Variants in LRRC49 observed in about 807,000 individuals in gnomAD.
LRRC49 encodes the protein leucine-rich repeat-containing protein 49.
LRRC49 carries 50 observed loss-of-function variants against 83.3 expected under a neutral mutation model. That is an observed-to-expected ratio of 0.60 (90% confidence interval 0.48 to 0.76). The LOEUF (loss-of-function observed/expected upper bound fraction) is 0.76, where lower values mean the gene tolerates loss of function less well. Ranked by LOEUF, LRRC49 falls within the 30% of genes least tolerant of loss-of-function variation. LRRC49 has a pLI of 0.00. For missense variants in LRRC49, 704 were observed against 809.1 expected (o/e 0.87, Z 1.58); for synonymous variants, 286 against 283.3 (o/e 1.01, Z -0.10).
At chr15:71,009,534 A>C (rs552456987) in intron 12 of LRRC49, 1 of 263,460 alleles carries the variant, frequency 3.8e-6, no homozygotes, top group Non-Finnish European at 7.1e-6. Flanking sequence ...ATATTTATGT[A>C]TCTTTAAAGA....
intron 8 of LRRC49, among the ~76,000 whole-genome samples, chr15:70,946,385 C>A (rs1043944479): frequency 4.6e-5 from 7 of 152,036 alleles, no homozygotes; most frequent in Non-Finnish European, 8.8e-5. Flanking sequence ...GCATAATATC[C>A]TCCAGGTTTG....
intron 1 of LRRC49, among the ~76,000 whole-genome samples, chr15:70,865,027 TC>T (rs1716203416): frequency 6.6e-6 from 1 of 152,146 alleles, no homozygotes; most frequent in Non-Finnish European, 1.5e-5. Flanking sequence ...CTTCCTTTTT[TC>T]TCCTGCTTCC....
chr15:70,857,794 A>G (rs2032688637), intron 1 of LRRC49, among the ~76,000 whole-genome samples: 1 of 152,230 alleles, frequency 6.6e-6, no homozygotes, highest in Non-Finnish European at 1.5e-5. Flanking sequence ...AAGCTCACAC[A>G]TAAGCAGCAG....
intron 13 of LRRC49, among the ~76,000 whole-genome samples, chr15:71,011,762 T>A (rs1227380055): frequency 6.6e-6 from 1 of 152,184 alleles, no homozygotes; most frequent in Non-Finnish European, 1.5e-5. Flanking sequence ...TCTCCTTAAC[T>A]GTGAAGATCC....
chr15:70,992,810 A>C (rs2037935287), intron 11 of LRRC49, among the ~76,000 whole-genome samples: 1 of 152,098 alleles, frequency 6.6e-6, no homozygotes, highest in Non-Finnish European at 1.5e-5. Flanking sequence ...GGTGCCTCCC[A>C]GTTAGGCTAC....
rs1420455723 is a variant in LRRC49, at chr15:70,893,567, T to G, written c.49-17T>G. Reference sequence around the variant, plus strand: ...TGTATTAAGAGCAAATTTTATGGTTTAATTTTTACATTTCAGGTGAACTGC... The same window carrying G: ...TGTATTAAGAGCAAATTTTATGGTTGAATTTTTACATTTCAGGTGAACTGC... On this transcript the variant is annotated splice_polypyrimidine_tract_variant and intron_variant, in intron 1 of 15. Coordinates refer to ENST00000260382, the MANE Select transcript of LRRC49 (RefSeq NM_017691.5). The G allele has an allele frequency of 6.3e-7, 1 of 1,586,902 alleles. No individual in the cohort carries two copies. The highest frequency in any genetic ancestry group is 8.6e-7 in the Non-Finnish European group (1 of 1,160,026).
chr15:70,942,698 A>G (rs1258555058), intron 8 of LRRC49, among the ~76,000 whole-genome samples: 1 of 152,196 alleles, frequency 6.6e-6, no homozygotes, highest in Admixed American at 6.5e-5. Context: ...CATGTGCACA[A>G]GGTGGTCAGG....
chr15:70,925,948 T>C (rs1361991830), intron 7 of LRRC49, among the ~76,000 whole-genome samples: 2 of 152,186 alleles, frequency 1.3e-5, no homozygotes, highest in African/African-American at 4.8e-5. Context: ...CTCTTTCTAG[T>C]TAGTACCCTC....
intron 2 of LRRC49, among the ~76,000 whole-genome samples, chr15:70,886,176 T>C (rs542378821): frequency 6.6e-6 from 1 of 152,322 alleles, no homozygotes; most frequent in Non-Finnish European, 1.5e-5. Context: ...AGTAAAGCCA[T>C]GTTAGGTGGG....
At chr15:70,859,715 A>G in intron 1 of LRRC49, 1 of 686,258 alleles carries the variant, frequency 1.5e-6, no homozygotes, top group South Asian at 1.4e-5. Flanking sequence ...GGAGGCCACC[A>G]TCGCAGATGT....
intron 11 of LRRC49, among the ~76,000 whole-genome samples, chr15:71,002,127 T>A (rs1277632035): frequency 1.3e-5 from 2 of 152,250 alleles, no homozygotes; most frequent in East Asian, 3.8e-4. Context: ...ACAATTTAAC[T>A]ATTTCTGAAC....
chr15:71,005,784 A>G (rs189129247), intron 11 of LRRC49, among the ~76,000 whole-genome samples: 14 of 152,330 alleles, frequency 9.2e-5, no homozygotes, highest in Non-Finnish European at 1.9e-4. Flanking sequence ...GAAAGAATTA[A>G]TTAGTTAATT....
chr15:70,956,481 AGT>A (rs1030874464), intron 8 of LRRC49, among the ~76,000 whole-genome samples: 2 of 146,220 alleles, frequency 1.4e-5, no homozygotes, highest in African/African-American at 5.1e-5. Context: ...AGAGCAATTG[AGT>A]GTTCTTAAAC....
At chr15:70,887,071 C>G (rs1298444454) in intron 2 of LRRC49, among the ~76,000 whole-genome samples, 1 of 151,898 alleles carries the variant, frequency 6.6e-6, no homozygotes, top group Non-Finnish European at 1.5e-5. Flanking sequence ...TACTATTTAT[C>G]AAAATGGATA....
At chr15:70,882,413 T>C in intron 2 of LRRC49, 4 of 1,460,670 alleles carry the variant, frequency 2.7e-6, no homozygotes, top group Non-Finnish European at 3.8e-6. Flanking sequence ...GAGTAAAGAT[T>C]TGAAAATCTA....
chr15:70,973,787 C>G (rs1174495685), intron 9 of LRRC49, among the ~76,000 whole-genome samples: 2 of 152,116 alleles, frequency 1.3e-5, no homozygotes, highest in Non-Finnish European at 2.9e-5. Flanking sequence ...CAAATTGTGA[C>G]AGTCAACTTG....
At chr15:70,924,936 A>C (rs2035142105) in intron 7 of LRRC49, among the ~76,000 whole-genome samples, 1 of 151,908 alleles carries the variant, frequency 6.6e-6, no homozygotes, top group Admixed American at 6.6e-5. Flanking sequence ...GTGTGTGTCT[A>C]GGGTATCTTC....
At chr15:70,870,749 C>T (rs1248566746) in intron 1 of LRRC49, among the ~76,000 whole-genome samples, 1 of 152,160 alleles carries the variant, frequency 6.6e-6, no homozygotes, top group Admixed American at 6.5e-5. Flanking sequence ...CTAGGCCGCC[C>T]AAAGTGTTGG....
At chr15:71,047,656 A>G (rs1408048508) in intron 15 of LRRC49, among the ~76,000 whole-genome samples, 1 of 152,172 alleles carries the variant, frequency 6.6e-6, no homozygotes, top group African/African-American at 2.4e-5. Context: ...TTTCCTATTT[A>G]GATGCTTTTT....
Sources: allele counts gnomAD v4.1 joint callset (sites outside exome capture counted in the v4.1 genomes callset), GRCh38; gene constraint gnomAD v4.1.1; transcripts MANE v1.5; gene names NCBI Gene and HGNC (gene_info 2026-07-23, HGNC 2026-07-21).